Variants in ANKRD33B observed in about 807,000 individuals in gnomAD.
ANKRD33B encodes ankyrin repeat domain-containing protein 33B.
ANKRD33B carries 6 observed loss-of-function variants against 21.5 expected under a neutral mutation model. The ratio of observed to expected loss-of-function variants is 0.28; its 90% confidence interval spans 0.15 to 0.55. The LOEUF (loss-of-function observed/expected upper bound fraction) is 0.55. Ranked by LOEUF, ANKRD33B falls within the 20% of genes least tolerant of loss-of-function variation. The pLI is 0.94. For missense variants in ANKRD33B, 698 were observed against 747.2 expected, an observed-to-expected ratio of 0.93 and a Z score of 0.77; for synonymous variants, 347 against 342.4, an observed-to-expected ratio of 1.01 and a Z score of -0.15.
At chr5:10,630,127 C>G (rs1736671056) in intron 2 of ANKRD33B, among the ~76,000 whole-genome samples, 1 of 152,190 alleles carries the variant, frequency 6.6e-6, no homozygotes, top group Admixed American at 6.5e-5. Context: ...TGCATGTCAG[C>G]TAGTTATTGC....
chr5:10,621,233 C>T lies in ANKRD33B; in HGVS notation c.496+2771C>T, dbSNP rs571899061. Among the ~76,000 whole-genome samples, 5 of 152,258 alleles carry T rather than the reference C, an allele frequency of 3.3e-5. No homozygotes were observed. In the South Asian group the frequency reaches 8.3e-4, roughly 25 times the overall value. On this transcript the variant is annotated intron_variant, in intron 2 of 3. Transcript: ENST00000296657. ...GACTTTCCCAGTCCCTGTCTGTAAC[C>T]AGCTGTATCTTCAAGGAATGATAGT...
intron 1 of ANKRD33B, among the ~76,000 whole-genome samples, chr5:10,603,378 T>G (rs1735974273): frequency 6.6e-6 from 1 of 152,086 alleles, no homozygotes; most frequent in East Asian, 1.9e-4. Flanking sequence ...TTCTCCTGCC[T>G]CAGCCTCCTG....
Position 10,564,829 on chromosome 5 carries a change from G to T in ANKRD33B, c.362G>T (p.Gly121Val). Residue 121 changes from glycine to valine, a missense_variant, in exon 1 of 4, where the codon GGC becomes GTC. Around this residue, in one of 3 missense-constraint regions of ANKRD33B, gnomAD observed 543 missense variants for 566.5 expected, o/e 0.96. Coordinates refer to ENST00000296657, the MANE Select transcript of ANKRD33B (RefSeq NM_001164440.2). ...VEEAQETDRN[G>V]RTGLIVACYH... ...GAGGCGCAGGAGACTGACCGCAACG[G>T]CAGGGTAAGCGGGCGTCCCCGCAGG... The T allele has an allele frequency of 2.7e-6, 4 of 1,500,494 alleles. No homozygotes were observed. The highest frequency in any genetic ancestry group is 3.6e-6 in the Non-Finnish European group (4 of 1,125,364). The allele number at this position is 1,500,494 out of a possible 1,614,324, so 92.9% of individuals were successfully genotyped here. A position where few individuals can be genotyped will look rare whatever the true frequency, so the allele number is the denominator to read the frequency against.
chr5:10,599,050 T>A (rs1025093584), intron 1 of ANKRD33B, among the ~76,000 whole-genome samples: 1 of 152,238 alleles, frequency 6.6e-6, no homozygotes, highest in Non-Finnish European at 1.5e-5. Context: ...AGTTTCCTCT[T>A]GCTCCTTTCT....
Position 10,649,686 on chromosome 5 carries a change from G to A in ANKRD33B, c.1058G>A (p.Gly353Asp). ...QEILAARAARGPQAQEEDEVG... is the reference protein window; with the variant it reads ...QEILAARAARDPQAQEEDEVG... ...ATCCTGGCGGCGCGGGCTGCACGGGGCCCCCAGGCGCAGGAGGAGGATGAG... is the reference window on the plus strand; with the variant it reads ...ATCCTGGCGGCGCGGGCTGCACGGGACCCCCAGGCGCAGGAGGAGGATGAG... Residue 353 changes from glycine (G) to aspartate (D), a missense_variant, in exon 4 of 4, where the codon GGC (glycine) becomes GAC (aspartate). By Grantham distance (94) the Gly-to-Asp change is moderately conservative. Coordinates refer to ENST00000296657, the MANE Select transcript of ANKRD33B (RefSeq NM_001164440.2). The A allele has an allele frequency of 2.6e-6, 4 of 1,523,062 alleles. No homozygotes were observed. In the South Asian group the frequency reaches 3.6e-5, roughly 14 times the overall value. The allele number at this position is 1,523,062 out of a possible 1,614,324, so 94.3% of individuals were successfully genotyped here. A position where few individuals can be genotyped will look rare whatever the true frequency, so the allele number is the denominator to read the frequency against.
At chr5:10,573,394 G>A (rs909333187) in intron 1 of ANKRD33B, among the ~76,000 whole-genome samples, 4 of 151,624 alleles carry the variant, frequency 2.6e-5, no homozygotes, top group Non-Finnish European at 4.4e-5. Flanking sequence ...CTTAAACCTC[G>A]GAGGCGGGGG....
Position 10,649,296 on chromosome 5 carries a change from G to A in ANKRD33B, c.668G>A (p.Arg223His). ...GATGTCCACGCGAGGGACCCCCGCC[G>A]TGGGATGTCGCCGCAGGAGTGGGCC... is the stretch of plus-strand genomic sequence containing the variant. ...GADVHARDPR[R>H]GMSPQEWATY... The change falls in exon 4 of 4, where the codon CGT becomes CAT. Residue 223 changes from arginine to histidine, a missense_variant. By Grantham distance (29) the Arg-to-His change is conservative (BLOSUM62 0). Coordinates refer to ENST00000296657, the MANE Select transcript of ANKRD33B (RefSeq NM_001164440.2). The A allele has an allele frequency of 3.9e-6, 6 of 1,528,670 alleles. No individual in the cohort carries two copies. The highest frequency in any genetic ancestry group is 5.3e-6 in the Non-Finnish European group (6 of 1,142,152). The allele number at this position is 1,528,670 out of a possible 1,614,324, so 94.7% of individuals were successfully genotyped here.
Position 10,572,975 on chromosome 5 carries a change from T to G in ANKRD33B, c.366+8142T>G, listed in dbSNP as rs556891915. Among the ~76,000 whole-genome samples, 29 of 152,354 alleles carry G rather than the reference T, an allele frequency of 1.9e-4. 1 individual carries two copies. The South Asian group carries it at 6.0e-3, about 32-fold the overall frequency. On this transcript the variant is annotated intron_variant, in intron 1 of 3. Coordinates refer to ENST00000296657, the MANE Select transcript of ANKRD33B (RefSeq NM_001164440.2). ...AGTTTCATCAGACCTGACATAAATA[T>G]GCCTCTGGAAGCATACGTCGTTATT...
intron 1 of ANKRD33B, among the ~76,000 whole-genome samples, chr5:10,610,407 C>G (rs1014570042): frequency 7.2e-5 from 11 of 151,974 alleles, no homozygotes; most frequent in South Asian, 2.1e-4. Context: ...GACAGCCCCC[C>G]CCCCGAATAA....
intron 1 of ANKRD33B, among the ~76,000 whole-genome samples, chr5:10,571,113 G>A (rs564431599): frequency 3.5e-4 from 54 of 152,242 alleles, no homozygotes; most frequent in African/African-American, 9.4e-4. Flanking sequence ...CCCATAGTCT[G>A]TGACTTTGCC....
Position 10,637,425 on chromosome 5 carries a change from G to GACACACACACACACAC in ANKRD33B, c.497-580_497-565dup, listed in dbSNP as rs59222148. Among the ~76,000 whole-genome samples the GACACACACACACACAC allele has an allele frequency of 6.6e-3, 663 of 100,384 alleles. 22 individuals carry two copies. The highest frequency in any genetic ancestry group is 0.013 in the South Asian group (34 of 2,566). The allele number at this position is 100,384 out of a possible 152,430, so 65.9% of individuals were successfully genotyped here. ...GGATGTGTGTGGGCGTAGGTAGTTA[G>GACACACACACACACAC]ACACACACACACACACACACACACA... On this transcript the variant is annotated intron_variant, in intron 2 of 3. Coordinates refer to ENST00000296657, the MANE Select transcript of ANKRD33B (RefSeq NM_001164440.2).
Position 10,576,650 on chromosome 5 carries a change from A to G in ANKRD33B, c.366+11817A>G, listed in dbSNP as rs376115955. 1.3e-3 allele frequency among the ~76,000 whole-genome samples: 195 copies of G among 152,290 alleles called. 3 individuals are homozygous for G. The South Asian group carries it at 0.03, about 24-fold the overall frequency. On this transcript the variant is annotated intron_variant, in intron 1 of 3. Transcript: ENST00000296657. The surrounding 1 kb of genome is among the most constrained non-coding windows in gnomAD (Gnocchi z 4.1). Reference sequence around the variant, plus strand: ...AGAATGTGCTTGTGCTGTAATAGACACTCAGTAAACAGAGCTGTTGTTTCT... The same window carrying G: ...AGAATGTGCTTGTGCTGTAATAGACGCTCAGTAAACAGAGCTGTTGTTTCT...
At chr5:10,609,776 G>A (rs1361192543) in intron 1 of ANKRD33B, among the ~76,000 whole-genome samples, 2 of 152,162 alleles carry the variant, frequency 1.3e-5, no homozygotes, top group African/African-American at 2.4e-5. Flanking sequence ...AGGCATGGTG[G>A]CAGGCACCTG....
Position 10,564,548 on chromosome 5 carries a change from C to A in ANKRD33B, c.81C>A (p.Gly27=), listed in dbSNP as rs908205982. The part of the protein sequence containing the change: ...MTPPPPSPPR[G]AQVEEDPADY... ...CACCACCGCCGTCCCCACCCCGGGG[C>A]GCGCAGGTCGAGGAGGACCCCGCTG... The change falls in exon 1 of 4, where the codon GGC becomes GGA. Residue 27 remains glycine (G), a synonymous_variant. Transcript: ENST00000296657. 7 of 1,533,406 alleles carry A rather than the reference C, an allele frequency of 4.6e-6. No homozygotes were observed. The highest frequency in any genetic ancestry group is 6.1e-6 in the Non-Finnish European group (7 of 1,146,276). 95.0% of individuals were successfully genotyped at this position (1,533,406 alleles called of 1,614,324 possible). A position where few individuals can be genotyped will look rare whatever the true frequency, so the allele number is the denominator to read the frequency against.
rs1045699443 is a variant in ANKRD33B at position 10,650,870 on chromosome 5, A to G, written c.*757A>G. On this transcript the variant is annotated 3_prime_UTR_variant, in exon 4 of 4. Transcript: ENST00000296657. ...TGTATTTATTGCTAGAATTAAACTC[A>G]TTTTAAGCAAGGGGTTTTAGGTAAA... 9.8e-5 allele frequency: 15 copies of G among 152,538 alleles called. No individual in the cohort carries two copies. The highest frequency in any genetic ancestry group is 3.4e-4 in the African/African-American group (14 of 41,600). 9.4% of individuals were successfully genotyped at this position (152,538 alleles called of 1,614,324 possible). A position where few individuals can be genotyped will look rare whatever the true frequency, so the allele number is the denominator to read the frequency against.
At chr5:10,642,904 CTTTGT>C (rs983029009) in intron 3 of ANKRD33B, among the ~76,000 whole-genome samples, 7 of 151,662 alleles carry the variant, frequency 4.6e-5, no homozygotes, top group Non-Finnish European at 1.0e-4. Context: ...GTTTGTTTTG[CTTTGT>C]TTTGTTTTGT....
chr5:10,634,018 C>A (rs1229732929), intron 2 of ANKRD33B, among the ~76,000 whole-genome samples: 1 of 152,210 alleles, frequency 6.6e-6, no homozygotes, highest in African/African-American at 2.4e-5. Flanking sequence ...GAGTGGAGTG[C>A]CTGCCTGGAT....
chr5:10,596,450 A>G lies in ANKRD33B; in HGVS notation c.367-21883A>G, dbSNP rs78771130. Among the ~76,000 whole-genome samples, 923 of 152,318 alleles carry G rather than the reference A, an allele frequency of 6.1e-3. 7 individuals carry two copies. The highest frequency in any genetic ancestry group is 0.021 in the African/African-American group (876 of 41,564). On this transcript the variant is annotated intron_variant, in intron 1 of 3. Transcript: ENST00000296657. ...TTTTCTGTTTCTGCATTAGTTTGCC[A>G]AGGATAATGCCTTCCAGCACCATCC...
chr5:10,591,194 GGTTT>G (rs1447531727), intron 1 of ANKRD33B, among the ~76,000 whole-genome samples: 3 of 113,496 alleles, frequency 2.6e-5, no homozygotes, highest in South Asian at 3.0e-4. Context: ...TTTTTTTAGT[GGTTT>G]TTTTTTTTTT....
Sources: allele counts gnomAD v4.1 joint callset (sites outside exome capture counted in the v4.1 genomes callset), GRCh38; gene constraint gnomAD v4.1.1; regional missense constraint gnomAD v4.1.1; non-coding constraint Gnocchi (gnomAD v3.1); transcripts MANE v1.5; gene names NCBI Gene and HGNC (gene_info 2026-07-23, HGNC 2026-07-21).